GALNTL6: variants seen among roughly 807,000 people sequenced by gnomAD.
GALNTL6 encodes the protein polypeptide N-acetylgalactosaminyltransferase like 6.
In GALNTL6, 46 loss-of-function variants were observed where a neutral mutation model predicts 73.7. That is an observed-to-expected ratio of 0.62 (90% CI 0.49 to 0.80). The LOEUF is 0.80. Ranked by LOEUF, GALNTL6 falls within the 30% of genes least tolerant of loss-of-function variation. GALNTL6 has a pLI of 0.00. For synonymous variants in GALNTL6, 259 were observed against 263.7 expected (o/e 0.98, Z 0.17); for missense variants, 604 against 755.0 (o/e 0.80, Z 2.34).
intron 5 of GALNTL6, among the ~76,000 whole-genome samples, chr4:172,417,895 C>T (rs1410568474): frequency 2.0e-5 from 3 of 152,138 alleles, no homozygotes; most frequent in African/African-American, 7.2e-5. Context: ...AGCACTGCTG[C>T]AGTTAAGTAT....
chr4:172,548,398 G>GAAC (rs757862434), intron 5 of GALNTL6, among the ~76,000 whole-genome samples: 5 of 152,144 alleles, frequency 3.3e-5, no homozygotes, highest in African/African-American at 2.4e-5. Context: ...TTATTTAAGA[G>GAAC]AACGAAGGGC....
At position 172,489,516 on chromosome 4, in the gene GALNTL6, G is replaced by A. The variant is rs570750079; in HGVS notation, c.553+140827G>A. 2.0e-5 allele frequency among the ~76,000 whole-genome samples: 3 copies of A among 152,330 alleles called. No homozygotes were observed. The South Asian group carries it at 6.2e-4, about 32-fold the overall frequency. ...ACATATGCCTGAATAGTTATGATAT[G>A]TGTATTATATGTATGTGTTTATACG... On this transcript the variant is annotated intron_variant, in intron 5 of 12. Coordinates refer to ENST00000506823, the MANE Select transcript of GALNTL6 (RefSeq NM_001034845.3).
chr4:171,904,406 G>A (rs368799464), intron 2 of GALNTL6, among the ~76,000 whole-genome samples: 1 of 152,108 alleles, frequency 6.6e-6, no homozygotes, highest in African/African-American at 2.4e-5. Flanking sequence ...GATGGAAGAT[G>A]AAATGAATGA....
intron 4 of GALNTL6, among the ~76,000 whole-genome samples, chr4:172,334,141 T>C (rs1205006915): frequency 6.6e-6 from 1 of 151,450 alleles, no homozygotes; most frequent in Non-Finnish European, 1.5e-5. Context: ...CTACTCTACT[T>C]TGGTTACTAT....
chr4:172,634,999 GT>G (rs1739599843), intron 5 of GALNTL6, among the ~76,000 whole-genome samples: 1 of 152,116 alleles, frequency 6.6e-6, no homozygotes, highest in Non-Finnish European at 1.5e-5. Context: ...CATCAATTTA[GT>G]TTTTACAAGA....
In GALNTL6 at chr4:171,820,895, G is replaced by A. The variant is rs529175621; in HGVS notation, c.138+6177G>A. Among the ~76,000 whole-genome samples the A allele has an allele frequency of 1.4e-3, 207 of 152,246 alleles. 10 individuals carry two copies. In the South Asian group the frequency reaches 0.042, roughly 31 times the overall value. Reference sequence around the variant, plus strand: ...TATTTCAAGTATTCAAATATTCATGGACTATGATTTCAATACTTGAAATCT... The same window carrying A: ...TATTTCAAGTATTCAAATATTCATGAACTATGATTTCAATACTTGAAATCT... On this transcript the variant is annotated intron_variant, in intron 2 of 12. Transcript: ENST00000506823.
At chr4:172,991,994 T>C (rs939924196) in intron 10 of GALNTL6, among the ~76,000 whole-genome samples, 2 of 152,244 alleles carry the variant, frequency 1.3e-5, no homozygotes, top group African/African-American at 4.8e-5. Context: ...ATAAACCTTA[T>C]AAACTTGCTT....
At chr4:172,184,310 T>C (rs912442150) in intron 2 of GALNTL6, among the ~76,000 whole-genome samples, 1 of 152,148 alleles carries the variant, frequency 6.6e-6, no homozygotes, top group Non-Finnish European at 1.5e-5. Flanking sequence ...GCATTCACCT[T>C]AGCCCAATCC....
Position 171,883,938 on chromosome 4 carries a change from C to T in GALNTL6, c.138+69220C>T, listed in dbSNP as rs189681736. Reference sequence around the variant, plus strand: ...CTGGGATTACAGGCGTGAGCCACCGCTCCCAGACATATATGTGCTTTTCTT... The same window carrying T: ...CTGGGATTACAGGCGTGAGCCACCGTTCCCAGACATATATGTGCTTTTCTT... On this transcript the variant is annotated intron_variant, in intron 2 of 12. Transcript: ENST00000506823. Among the ~76,000 whole-genome samples, 873 of 152,128 alleles carry T rather than the reference C, an allele frequency of 5.7e-3. 10 individuals carry two copies. The highest frequency in any genetic ancestry group is 0.02 in the African/African-American group (816 of 41,522).
intron 2 of GALNTL6, among the ~76,000 whole-genome samples, chr4:171,884,466 A>G (rs1736552209): frequency 6.6e-6 from 1 of 152,114 alleles, no homozygotes; most frequent in African/African-American, 2.4e-5. Flanking sequence ...GCTTAGTGTC[A>G]TGCTCAAAGC....
At chr4:172,324,230 A>G (rs1561026322) in intron 4 of GALNTL6, among the ~76,000 whole-genome samples, 1 of 152,002 alleles carries the variant, frequency 6.6e-6, no homozygotes, top group Non-Finnish European at 1.5e-5. Context: ...CATTCTTCAG[A>G]TTATATTATC....
rs1010552271 is a variant in GALNTL6 at position 172,741,074 on chromosome 4, A to G, written c.554-68287A>G. Among the ~76,000 whole-genome samples, 10 of 130,084 alleles carry G rather than the reference A, an allele frequency of 7.7e-5. No individual in the cohort carries two copies. In the South Asian group the frequency reaches 9.5e-4, roughly 12 times the overall value. 85.3% of individuals were successfully genotyped at this position (130,084 alleles called of 152,430 possible). A position where few individuals can be genotyped will look rare whatever the true frequency, so the allele number is the denominator to read the frequency against. On this transcript the variant is annotated intron_variant, in intron 5 of 12. Transcript: ENST00000506823. ...GTTATATTGTATAAAATCACCGTGA[A>G]CACTGAATTAGTGAATGTTGAATCA...
chr4:172,550,901 A>G (rs1370826565), intron 5 of GALNTL6, among the ~76,000 whole-genome samples: 1 of 152,242 alleles, frequency 6.6e-6, no homozygotes, highest in Admixed American at 6.5e-5. Context: ...TTTTATAAAA[A>G]GACTACAGTC....
intron 10 of GALNTL6, among the ~76,000 whole-genome samples, chr4:172,995,471 G>A (rs1293120684): frequency 6.6e-6 from 1 of 152,136 alleles, no homozygotes; most frequent in Non-Finnish European, 1.5e-5. Context: ...ATATCTTGAC[G>A]CAGGTTCAAG....
chr4:172,227,666 T>G (rs1311971587), intron 2 of GALNTL6, among the ~76,000 whole-genome samples: 2 of 152,212 alleles, frequency 1.3e-5, no homozygotes, highest in Admixed American at 1.3e-4. Context: ...TTACAAAAAC[T>G]TTATGTGAGT....
chr4:173,011,106 C>CGATA (rs1008514677), intron 11 of GALNTL6, among the ~76,000 whole-genome samples: 1 of 152,086 alleles, frequency 6.6e-6, no homozygotes, highest in African/African-American at 2.4e-5. Flanking sequence ...CTTTGATGAT[C>CGATA]GATAATCTTG....
At chr4:172,379,698 A>G (rs879092392) in intron 5 of GALNTL6, among the ~76,000 whole-genome samples, 1 of 150,844 alleles carries the variant, frequency 6.6e-6, no homozygotes, top group South Asian at 2.1e-4. Context: ...AAAAACACCC[A>G]CGCCCCTGGA....
intron 5 of GALNTL6, among the ~76,000 whole-genome samples, chr4:172,770,829 A>G (rs1738722078): frequency 6.6e-6 from 1 of 152,186 alleles, no homozygotes; most frequent in East Asian, 1.9e-4. Context: ...ACTATTTTTG[A>G]CATTAAATGT....
chr4:173,036,695 T>G (rs972464750), intron 12 of GALNTL6, among the ~76,000 whole-genome samples: 7 of 152,192 alleles, frequency 4.6e-5, no homozygotes, highest in Non-Finnish European at 2.9e-5. Context: ...ACACTGTGAA[T>G]AGCCAGAGCA....
Sources: allele counts gnomAD v4.1 joint callset (sites outside exome capture counted in the v4.1 genomes callset), GRCh38; gene constraint gnomAD v4.1.1; transcripts MANE v1.5; gene names NCBI Gene and HGNC (gene_info 2026-07-23, HGNC 2026-07-21).